Variants in TTLL7 observed in about 807,000 individuals in gnomAD.
TTLL7 encodes tubulin tyrosine ligase like 7, also known as tubulin polyglutamylase TTLL7.
Under a neutral mutation model 120.2 loss-of-function variants are expected in TTLL7, and 53 were observed. The observed-to-expected ratio is 0.44, with a 90% CI of 0.35 to 0.55. TTLL7 has a LOEUF of 0.55. Ranked by LOEUF, TTLL7 falls within the 20% of genes least tolerant of loss-of-function variation. The pLI is 0.00. For synonymous variants in TTLL7, 353 were observed against 351.7 expected (o/e 1.00, Z -0.04); for missense variants, 803 against 1,054.7 (o/e 0.76, Z 3.31).
chr1:83,931,355 T>C (rs1659581694), intron 9 of TTLL7, among the ~76,000 whole-genome samples: 1 of 152,074 alleles, frequency 6.6e-6, no homozygotes, highest in Non-Finnish European at 1.5e-5. Flanking sequence ...TTAGTGCTGT[T>C]CCCTCTGCAC....
chr1:83,872,260 TAAAAC>T (rs1653486964), intron 20 of TTLL7, among the ~76,000 whole-genome samples: 1 of 152,168 alleles, frequency 6.6e-6, no homozygotes. Context: ...TAAAATAACA[TAAAAC>T]AAACCAAATT....
rs1173627126 is a variant in TTLL7, at chr1:83,918,220, C to T, written c.1501-530G>A. ...ATGATTGCACAAAGTATTTTTAGAA[C>T]TTTATAAAGGTTTTCATTCTATAGT... On this transcript the variant is annotated intron_variant, in intron 13 of 20. Transcript: ENST00000260505. Among the ~76,000 whole-genome samples the T allele has an allele frequency of 5.9e-5, 9 of 152,186 alleles. 2 individuals carry two copies. Among genetic ancestry groups the T allele is most frequent in the African/African-American group, 2.2e-4 (9 of 41,532 alleles).
chr1:83,938,779 C>T (rs573422801), intron 7 of TTLL7, among the ~76,000 whole-genome samples: 125 of 152,248 alleles, frequency 8.2e-4, no homozygotes, highest in African/African-American at 2.8e-3. Flanking sequence ...CAAGCTAGCA[C>T]AAGCATTCAT....
intron 1 of TTLL7, among the ~76,000 whole-genome samples, chr1:83,958,142 T>G (rs1338116319): frequency 6.6e-6 from 1 of 152,176 alleles, no homozygotes; most frequent in Non-Finnish European, 1.5e-5. Context: ...TGCCAGGCAC[T>G]TTTTGAGGTT....
At chr1:83,953,263 T>C (rs530875570) in intron 1 of TTLL7, among the ~76,000 whole-genome samples, 1 of 152,340 alleles carries the variant, frequency 6.6e-6, no homozygotes, top group Non-Finnish European at 1.5e-5. Context: ...TTGTTCAGTC[T>C]GTACTATCAA....
chr1:83,950,425 A>G (rs1648937653), intron 3 of TTLL7, among the ~76,000 whole-genome samples: 1 of 152,128 alleles, frequency 6.6e-6, no homozygotes, highest in African/African-American at 2.4e-5. Flanking sequence ...CCTAGTTCAA[A>G]TTATTTTTAG....
At chr1:83,948,754 C>A (rs555995531) in intron 4 of TTLL7, 59 bp from the exon 5 acceptor site, 5 of 1,179,884 alleles carry the variant, frequency 4.2e-6, no homozygotes, top group Non-Finnish European at 6.2e-6. Context: ...TTCATGTATA[C>A]GACAATACAA....
intron 6 of TTLL7, among the ~76,000 whole-genome samples, chr1:83,945,331 C>A (rs1030063643): frequency 6.6e-6 from 1 of 152,064 alleles, no homozygotes; most frequent in African/African-American, 2.4e-5. Flanking sequence ...AAAACAGTAA[C>A]CTGGAGTGGC....
intron 20 of TTLL7, among the ~76,000 whole-genome samples, chr1:83,871,470 A>T (rs1653388346): frequency 6.6e-6 from 1 of 152,194 alleles, no homozygotes; most frequent in South Asian, 2.1e-4. Context: ...AATGCTATAA[A>T]ATCAGGATAA....
rs776138683 is a variant in TTLL7, at chr1:83,942,705, G to C, written c.507-26C>G. ...CTATGTTTAAAGAAAAAAATTAAAA[G>C]AATGATTTGACATAGAGCAAGGTGT... On this transcript the variant is annotated intron_variant, in intron 6 of 20. Transcript: ENST00000260505. 3.1e-5 allele frequency: 48 copies of C among 1,541,200 alleles called. 1 individual carries two copies. The South Asian group carries it at 5.4e-4, about 17-fold the overall frequency.
intron 14 of TTLL7, among the ~76,000 whole-genome samples, chr1:83,916,662 TA>T (rs1658217480): frequency 6.6e-6 from 1 of 151,720 alleles, no homozygotes. Flanking sequence ...GAAAATATGA[TA>T]GAAGACAAAG....
chr1:83,924,949 T>C (rs1351494998), intron 10 of TTLL7, among the ~76,000 whole-genome samples: 2 of 151,908 alleles, frequency 1.3e-5, no homozygotes, highest in East Asian at 3.9e-4. Flanking sequence ...TTGTATATAA[T>C]ATAAAGATCA....
intron 18 of TTLL7, among the ~76,000 whole-genome samples, chr1:83,900,767 T>C (rs532012724): frequency 3.3e-5 from 5 of 152,126 alleles, no homozygotes; most frequent in Non-Finnish European, 7.4e-5. Flanking sequence ...ATTATGAACA[T>C]GTCATTTTAA....
chr1:83,912,044 C>T (rs541166222), intron 14 of TTLL7, among the ~76,000 whole-genome samples: 1 of 152,224 alleles, frequency 6.6e-6, no homozygotes, highest in East Asian at 1.9e-4. Flanking sequence ...CCAAACTGCT[C>T]AAGAACAACT....
At chr1:83,908,866 G>A (rs188349799) in intron 15 of TTLL7, among the ~76,000 whole-genome samples, 384 of 151,854 alleles carry the variant, frequency 2.5e-3, no homozygotes, top group Admixed American at 7.6e-3. Flanking sequence ...ATTTAGGGAT[G>A]TACTTCTAAA....
At chr1:83,980,504 G>C (rs1206229265) in intron 1 of TTLL7, 1 of 152,170 alleles carries the variant, frequency 6.6e-6, no homozygotes, top group East Asian at 1.9e-4. Flanking sequence ...AGTGCTGAAA[G>C]AAAGTAACTG....
Position 83,892,913 on chromosome 1 carries a change from A to AAGAAAAAGAGAAAG in TTLL7, c.2209-2433_2209-2432insCTTTCTCTTTTTCT, listed in dbSNP as rs1164362801. On this transcript the variant is annotated intron_variant, in intron 18 of 20. Coordinates refer to ENST00000260505, the MANE Select transcript of TTLL7 (RefSeq NM_024686.6). ...AGAGAAAGAGAAAGAAGGAAAAAGA[A>AAGAAAAAGAGAAAG]AAAAGAAAGAAAAAGAGAAAGAAAG... Among the ~76,000 whole-genome samples, 16 of 97,998 alleles carry AAGAAAAAGAGAAAG rather than the reference A, an allele frequency of 1.6e-4. No homozygotes were observed. In the South Asian group the frequency reaches 1.7e-3, roughly 10 times the overall value. The allele number at this position is 97,998 out of a possible 152,430, so 64.3% of individuals were successfully genotyped here.
At chr1:83,905,179 A>G (rs1571135836) in intron 17 of TTLL7, among the ~76,000 whole-genome samples, 1 of 152,022 alleles carries the variant, frequency 6.6e-6, no homozygotes, top group Admixed American at 6.6e-5. Flanking sequence ...CACATCTAGT[A>G]TAATACTTAA....
At chr1:83,888,309 G>A (rs1287148598) in intron 19 of TTLL7, among the ~76,000 whole-genome samples, 1 of 151,942 alleles carries the variant, frequency 6.6e-6, no homozygotes, top group East Asian at 1.9e-4. Context: ...CATCAACTAA[G>A]GGGCTGTGGA....
Sources: allele counts gnomAD v4.1 joint callset (sites outside exome capture counted in the v4.1 genomes callset), GRCh38; gene constraint gnomAD v4.1.1; transcripts MANE v1.5; gene names NCBI Gene and HGNC (gene_info 2026-07-23, HGNC 2026-07-21).